Variants in GABRB1 observed in about 807,000 individuals in gnomAD.
The protein encoded by GABRB1 is gamma-aminobutyric acid receptor subunit beta-1.
In GABRB1, 17 loss-of-function variants were observed where a neutral mutation model predicts 51.6. That is an observed-to-expected ratio of 0.33 (90% CI 0.23 to 0.49). GABRB1 has a LOEUF of 0.49. Ranked by LOEUF, GABRB1 falls within the 20% of genes least tolerant of loss-of-function variation. The pLI is 0.99. For synonymous variants in GABRB1, 247 were observed against 218.9 expected (o/e 1.13, Z -1.14); for missense variants, 410 against 600.6 (o/e 0.68, Z 3.32).
intron 1 of GABRB1, among the ~76,000 whole-genome samples, chr4:46,999,728 C>T (rs956760583): frequency 6.6e-6 from 1 of 152,186 alleles, no homozygotes; most frequent in Non-Finnish European, 1.5e-5. Flanking sequence ...ACTCCTTCTG[C>T]TTATAAGATA....
intron 4 of GABRB1, among the ~76,000 whole-genome samples, chr4:47,315,376 A>C (rs1724847377): frequency 6.6e-6 from 1 of 152,054 alleles, no homozygotes. Context: ...AAAGTAAAAA[A>C]ATATGAGATG....
intron 5 of GABRB1, among the ~76,000 whole-genome samples, chr4:47,373,193 C>T (rs950740572): frequency 2.0e-5 from 3 of 152,220 alleles, no homozygotes; most frequent in African/African-American, 7.2e-5. Context: ...TTTTGACAAC[C>T]TATACCCTGA....
At chr4:47,195,465 A>AGAT (rs1701922592) in intron 4 of GABRB1, among the ~76,000 whole-genome samples, 2 of 79,742 alleles carry the variant, frequency 2.5e-5, no homozygotes, top group African/African-American at 9.6e-5. Flanking sequence ...ATTAGATGAT[A>AGAT]GATAGATAGA....
At chr4:47,377,998 G>C (rs1486343439) in intron 5 of GABRB1, among the ~76,000 whole-genome samples, 1 of 152,242 alleles carries the variant, frequency 6.6e-6, no homozygotes, top group African/African-American at 2.4e-5. Flanking sequence ...ATCTCGCACT[G>C]GGGCTGCAGG....
intron 8 of GABRB1, 150 bp from the exon 9 acceptor site, chr4:47,425,524 C>A (rs113042870): frequency 0.015 from 6,749 of 452,870 alleles, 168 homozygotes; most frequent in African/African-American, 0.096. Context: ...ATAGATCGAT[C>A]GATCTATCTC....
At chr4:47,215,448 A>T (rs1720517034) in intron 4 of GABRB1, among the ~76,000 whole-genome samples, 1 of 152,090 alleles carries the variant, frequency 6.6e-6, no homozygotes, top group South Asian at 2.1e-4. Flanking sequence ...AGCGTTCAGG[A>T]AACATAACTA....
At chr4:47,187,747 G>A (rs1014878360) in intron 4 of GABRB1, among the ~76,000 whole-genome samples, 2 of 151,772 alleles carry the variant, frequency 1.3e-5, no homozygotes, top group African/African-American at 4.8e-5. Flanking sequence ...TAACCCCAGG[G>A]TAGCTCCCAA....
chr4:47,313,121 TTCAAAATG>T (rs1300557119), intron 4 of GABRB1, among the ~76,000 whole-genome samples: 2 of 152,156 alleles, frequency 1.3e-5, no homozygotes, highest in Non-Finnish European at 2.9e-5. Context: ...TGACCTAACT[TTCAAAATG>T]TCAATAAATT....
At chr4:47,242,151 C>T (rs1421190594) in intron 4 of GABRB1, among the ~76,000 whole-genome samples, 1 of 152,104 alleles carries the variant, frequency 6.6e-6, no homozygotes, top group Non-Finnish European at 1.5e-5. Context: ...GTTATCTGTC[C>T]TTGCAATAGT....
intron 3 of GABRB1, among the ~76,000 whole-genome samples, chr4:47,144,040 T>C (rs1176583738): frequency 6.6e-6 from 1 of 151,942 alleles, no homozygotes; most frequent in Non-Finnish European, 1.5e-5. Flanking sequence ...TTGTTTCTCC[T>C]TAACCACACT....
At chr4:47,370,876 C>A (rs1727163995) in intron 5 of GABRB1, among the ~76,000 whole-genome samples, 1 of 152,128 alleles carries the variant, frequency 6.6e-6, no homozygotes, top group Non-Finnish European at 1.5e-5. Flanking sequence ...GACAAAATTT[C>A]TTCCAATTGC....
chr4:47,374,584 T>C (rs1727314735), intron 5 of GABRB1, among the ~76,000 whole-genome samples: 1 of 152,154 alleles, frequency 6.6e-6, no homozygotes, highest in Non-Finnish European at 1.5e-5. Context: ...TTTCACCATA[T>C]GTCAAGACAG....
At chr4:47,089,743 T>A (rs1728220727) in intron 3 of GABRB1, among the ~76,000 whole-genome samples, 2 of 152,170 alleles carry the variant, frequency 1.3e-5, no homozygotes, top group South Asian at 4.1e-4. Context: ...CTGGTGGATA[T>A]AAAATAATTA....
chr4:47,175,732 T>C (rs1183973136), intron 4 of GABRB1, among the ~76,000 whole-genome samples: 1 of 152,192 alleles, frequency 6.6e-6, no homozygotes, highest in East Asian at 1.9e-4. Flanking sequence ...TAATACTTTT[T>C]CACTGTGGGC....
intron 3 of GABRB1, among the ~76,000 whole-genome samples, chr4:47,131,165 ATT>A (rs1432111315): frequency 2.1e-5 from 3 of 146,246 alleles, no homozygotes; most frequent in Admixed American, 6.9e-5. Flanking sequence ...CTTCTGGAGA[ATT>A]TTTTTTTTTT....
chr4:47,217,095 G>C (rs1330805510), intron 4 of GABRB1, among the ~76,000 whole-genome samples: 2 of 151,786 alleles, frequency 1.3e-5, no homozygotes, highest in Non-Finnish European at 2.9e-5. Flanking sequence ...GCAAGACATA[G>C]TACAATTCAT....
chr4:47,327,216 C>T (rs1239094755), intron 5 of GABRB1, among the ~76,000 whole-genome samples: 1 of 151,900 alleles, frequency 6.6e-6, no homozygotes, highest in Non-Finnish European at 1.5e-5. Flanking sequence ...CTCAGCTGGG[C>T]ACGATGGCAT....
At chr4:47,202,337 T>C (rs1719931231) in intron 4 of GABRB1, among the ~76,000 whole-genome samples, 3 of 152,152 alleles carry the variant, frequency 2.0e-5, no homozygotes, top group Admixed American at 6.5e-5. Flanking sequence ...TCCCCAGCCA[T>C]GCTGATCTGT....
At chr4:47,237,465 A>G (rs1191512286) in intron 4 of GABRB1, among the ~76,000 whole-genome samples, 1 of 152,096 alleles carries the variant, frequency 6.6e-6, no homozygotes, top group African/African-American at 2.4e-5. Context: ...ACTATGGATA[A>G]GGTCTTTGAA....
Sources: allele counts gnomAD v4.1 joint callset (sites outside exome capture counted in the v4.1 genomes callset), GRCh38; gene constraint gnomAD v4.1.1; transcripts MANE v1.5; gene names NCBI Gene and HGNC (gene_info 2026-07-23, HGNC 2026-07-21).